Variants in TIMM23 observed in about 807,000 individuals in gnomAD.
TIMM23 encodes the protein mitochondrial import inner membrane translocase subunit Tim23.
Under a neutral mutation model 30.7 loss-of-function variants are expected in TIMM23, and 19 were observed. The observed-to-expected ratio is 0.62, with a 90% confidence interval of 0.43 to 0.91. The LOEUF (loss-of-function observed/expected upper bound fraction) is 0.91, where lower values mean the gene tolerates loss of function less well. Among genes scored for constraint, TIMM23 ranks in the 40% least tolerant of loss-of-function variants. The probability of loss-of-function intolerance (pLI) is 0.00; values close to 1 mark genes in which losing one functional copy is unlikely to be tolerated. For missense variants in TIMM23, 202 were observed against 269.2 expected (o/e 0.75, Z 1.75); for synonymous variants, 78 against 98.5 (o/e 0.79, Z 1.23).
chr10:45,998,139 T>C (rs1218196377), intron 6 of TIMM23, among the ~76,000 whole-genome samples: 1 of 152,190 alleles, frequency 6.6e-6, no homozygotes, highest in African/African-American at 2.4e-5. Flanking sequence ...TAAATGGTTA[T>C]ATAAGTACCT....
chr10:45,993,297 G>A (rs1308140101), intron 6 of TIMM23, among the ~76,000 whole-genome samples: 1 of 144,182 alleles, frequency 6.9e-6, no homozygotes, highest in East Asian at 2.1e-4. Context: ...CCAGACTGGA[G>A]TGCAATGGCA....
Position 45,997,531 on chromosome 10 carries a change from A to T in TIMM23, c.515-5672A>T, listed in dbSNP as rs376571014. On this transcript the variant is annotated intron_variant, in intron 6 of 6. Transcript: ENST00000580018. Reference sequence around the variant, plus strand: ...GTCCTCTGAAGATAGATGTTGGTACACAGAGCACCGTGGCTCACGCCTGTA... The same window carrying T: ...GTCCTCTGAAGATAGATGTTGGTACTCAGAGCACCGTGGCTCACGCCTGTA... Among the ~76,000 whole-genome samples the T allele has an allele frequency of 4.3e-4, 65 of 152,294 alleles. 1 individual carries two copies. The East Asian group carries it at 8.9e-3, about 21-fold the overall frequency.
At position 45,984,433 on chromosome 10, in the gene TIMM23, T is replaced by C. The variant is rs61849506; in HGVS notation, c.345-950T>C. Among the ~76,000 whole-genome samples the C allele has an allele frequency of 4.7e-3, 720 of 152,350 alleles. 5 individuals carry two copies. Among genetic ancestry groups the C allele is most frequent in the East Asian group, 0.019 (98 of 5,190 alleles). On this transcript the variant is annotated intron_variant, in intron 4 of 6. Transcript: ENST00000580018. ...AAAAATGATGGCTGAACTTAAAATATGTTAGTAAATATGTAACATAATTAG... is the reference window on the plus strand; with the variant it reads ...AAAAATGATGGCTGAACTTAAAATACGTTAGTAAATATGTAACATAATTAG...
intron 2 of TIMM23, among the ~76,000 whole-genome samples, chr10:45,978,169 T>G (rs1418724730): frequency 2.6e-5 from 4 of 151,636 alleles, no homozygotes; most frequent in Non-Finnish European, 4.4e-5. Context: ...CTGGCCAACA[T>G]AAGAAGATCC....
intron 2 of TIMM23, among the ~76,000 whole-genome samples, chr10:45,979,606 CTTT>C (rs1171770886): frequency 7.4e-5 from 4 of 54,410 alleles, no homozygotes; most frequent in Admixed American, 3.0e-4. Context: ...CATGCCTGGC[CTTT>C]TTTTTTTTTT....
Position 46,003,241 on chromosome 10 carries a change from C to G in TIMM23, c.553C>G (p.Leu185Val), listed in dbSNP as rs909925469. ...RGIARGGLTGLTLTSLYALYN... is the reference protein window; with the variant it reads ...RGIARGGLTGVTLTSLYALYN... ...GATAGCACGAGGTGGTCTGACAGGA[C>G]TAACACTTACCAGCCTCTATGCACT... The change falls in exon 7 of 7, where the codon CTA (leucine) becomes GTA (valine). Residue 185 changes from leucine (L) to valine (V), a missense_variant. Coordinates refer to ENST00000580018, the MANE Select transcript of TIMM23 (RefSeq NM_006327.4). 6.2e-7 allele frequency: 1 copy of G among 1,614,192 alleles called. No homozygotes were observed. Among genetic ancestry groups the G allele is most frequent in the Admixed American group, 1.7e-5 (1 of 60,024 alleles).
Position 46,003,376 on chromosome 10 carries a change from A to G in TIMM23, c.*58A>G. 1.6e-6 allele frequency: 2 copies of G among 1,223,996 alleles called. No individual in the cohort carries two copies. The highest frequency in any genetic ancestry group is 1.5e-5 in the African/African-American group (1 of 66,476). 75.8% of individuals were successfully genotyped at this position (1,223,996 alleles called of 1,614,324 possible). ...CAGTAGTCATCTAGATCCTTTTATA[A>G]GACAGTTTGGAGTTATTCTCTCTCT... On this transcript the variant is annotated 3_prime_UTR_variant, in exon 7 of 7. Coordinates refer to ENST00000580018, the MANE Select transcript of TIMM23 (RefSeq NM_006327.4).
rs1397626755 is a variant in TIMM23, at chr10:45,985,282, C to A, written c.345-101C>A. On this transcript the variant is annotated intron_variant, in intron 4 of 6. Coordinates refer to ENST00000580018, the MANE Select transcript of TIMM23 (RefSeq NM_006327.4). Reference sequence around the variant, plus strand: ...GTATTTTAGAATTTAAAAAACTTTGCGCCCTGGGTCTAGACATGTTAAATA... The same window carrying A: ...GTATTTTAGAATTTAAAAAACTTTGAGCCCTGGGTCTAGACATGTTAAATA... The A allele has an allele frequency of 2.7e-3, 3,539 of 1,335,174 alleles. 25 individuals carry two copies. Among genetic ancestry groups the A allele is most frequent in the East Asian group, 0.014 (600 of 43,274 alleles). 82.7% of individuals were successfully genotyped at this position (1,335,174 alleles called of 1,614,324 possible). A position where few individuals can be genotyped will look rare whatever the true frequency, so the allele number is the denominator to read the frequency against.
intron 5 of TIMM23, among the ~76,000 whole-genome samples, chr10:45,987,283 T>C (rs1838018304): frequency 6.6e-6 from 1 of 151,702 alleles, no homozygotes; most frequent in South Asian, 2.1e-4. Flanking sequence ...ACAGTCAACA[T>C]AGGATAGTTC....
intron 1 of TIMM23, 99 bp from the exon 2 acceptor site, chr10:45,975,355 A>G (rs1837635837): frequency 1.3e-6 from 2 of 1,483,204 alleles, no homozygotes; most frequent in African/African-American, 2.8e-5. Context: ...GTGAGCCTAT[A>G]AAAATTGCAA....
At chr10:45,988,467 CAGAG>C (rs1272256987) in intron 5 of TIMM23, among the ~76,000 whole-genome samples, 1 of 152,094 alleles carries the variant, frequency 6.6e-6, no homozygotes, top group East Asian at 1.9e-4. Flanking sequence ...AGGAGAAGGT[CAGAG>C]AGAGAGATTC....
chr10:45,989,438 T>G (rs1276543856), intron 6 of TIMM23, among the ~76,000 whole-genome samples: 1 of 152,244 alleles, frequency 6.6e-6, no homozygotes, highest in Admixed American at 6.5e-5. Context: ...CTGCTACGAA[T>G]ATGGATGTAC....
intron 6 of TIMM23, among the ~76,000 whole-genome samples, chr10:45,999,226 C>T (rs1838443531): frequency 6.6e-6 from 1 of 152,206 alleles, no homozygotes; most frequent in Middle Eastern, 3.4e-3. Context: ...CTGCAACCTC[C>T]ACCTCCTAGG....
chr10:45,981,128 G>A (rs1554913949), intron 2 of TIMM23, among the ~76,000 whole-genome samples: 2 of 148,954 alleles, frequency 1.3e-5, no homozygotes, highest in African/African-American at 2.5e-5. Context: ...TAGTAGAGAC[G>A]GGGTTTCACC....
At position 46,003,159 on chromosome 10, in the gene TIMM23, G is replaced by A. The variant is rs565190632; in HGVS notation, c.515-44G>A. The A allele has an allele frequency of 3.3e-5, 48 of 1,457,118 alleles. No individual in the cohort carries two copies. The African/African-American group carries it at 6.3e-4, about 19-fold the overall frequency. The allele number at this position is 1,457,118 out of a possible 1,614,324, so 90.3% of individuals were successfully genotyped here. ...TAACCCTATCGTGCTAGGGCACTAT[G>A]CAATATACAGCTATTTCATTTTCCT... is the stretch of plus-strand genomic sequence containing the variant. On this transcript the variant is annotated intron_variant, in intron 6 of 6. Transcript: ENST00000580018.
Position 45,975,515 on chromosome 10 carries a change from A to G in TIMM23, c.165+3A>G, listed in dbSNP as rs372515875. On this transcript the variant is annotated splice_donor_region_variant and intron_variant, in intron 2 of 6. Coordinates refer to ENST00000580018, the MANE Select transcript of TIMM23 (RefSeq NM_006327.4). ...TGGATCCACGATACCTCGTGCAGGTAAGATTAAGATTTTACTAGTTTGGTG... is the reference window on the plus strand; with the variant it reads ...TGGATCCACGATACCTCGTGCAGGTGAGATTAAGATTTTACTAGTTTGGTG... 1.2e-6 allele frequency: 2 copies of G among 1,613,842 alleles called. No homozygotes were observed. Among genetic ancestry groups the G allele is most frequent in the Admixed American group, 1.7e-5 (1 of 59,994 alleles).
At chr10:45,980,552 T>A (rs1398336045) in intron 2 of TIMM23, among the ~76,000 whole-genome samples, 1 of 152,108 alleles carries the variant, frequency 6.6e-6, no homozygotes, top group Non-Finnish European at 1.5e-5. Flanking sequence ...ATAAGGAAAA[T>A]TTAAATATTT....
chr10:45,972,613 T>G lies in TIMM23; in HGVS notation c.-12T>G. The stretch of plus-strand genomic sequence containing the variant: ...AGGCAGCGGCGGGAACCACTCGGTT[T>G]GCTGCGATACCATGGAAGGAGGCGG... On this transcript the variant is annotated 5_prime_UTR_variant, in exon 1 of 7. Transcript: ENST00000580018. The G allele has an allele frequency of 6.2e-7, 1 of 1,611,156 alleles. No homozygotes were observed. The highest frequency in any genetic ancestry group is 1.3e-5 in the African/African-American group (1 of 75,018).
At chr10:45,976,596 G>A (rs1837680147) in intron 2 of TIMM23, among the ~76,000 whole-genome samples, 1 of 152,206 alleles carries the variant, frequency 6.6e-6, no homozygotes, top group African/African-American at 2.4e-5. Context: ...GGGCAACAGA[G>A]TAAGACCCTA....
Sources: gnomAD v4.1 joint callset for allele counts (sites outside exome capture counted in the v4.1 genomes callset) on GRCh38, gnomAD v4.1.1 for gene constraint, MANE v1.5 for transcripts, NCBI Gene and HGNC (gene_info 2026-07-23, HGNC 2026-07-21) for gene names.